Variants in KRABD3 observed in about 807,000 individuals in gnomAD.
KRABD3 encodes KRAB domain-containing protein 3.
chr7:149,717,951 A>G, the KRABD3 span, among the ~76,000 whole-genome samples: 2 of 152,068 alleles, frequency 1.3e-5, no homozygotes, highest in Non-Finnish European at 2.9e-5. Flanking sequence ...GACACCCACC[A>G]CCATGCCTGG....
the KRABD3 span, chr7:149,723,727 TCC>T: frequency 6.7e-7 from 1 of 1,498,234 alleles, no homozygotes; most frequent in Admixed American, 1.9e-5. Context: ...TGTTCCTTTT[TCC>T]TTAGTGAAGA....
At chr7:149,719,560 C>T in the KRABD3 span, 2 of 1,591,656 alleles carry the variant, frequency 1.3e-6, no homozygotes, top group Non-Finnish European at 1.7e-6. The surrounding 1 kb of genome is among the most constrained non-coding windows in gnomAD (Gnocchi z 5.6). Flanking sequence ...CCATCACCTT[C>T]AAGGACTTGG....
At chr7:149,731,613 G>A in the KRABD3 span, 1 of 1,259,144 alleles carries the variant, frequency 7.9e-7, no homozygotes. Flanking sequence ...GGGTATGTCA[G>A]AATGGCTCTG....
chr7:149,728,530 ACCAGGAAGCTCC>A, the KRABD3 span: 1 of 1,613,274 alleles, frequency 6.2e-7, no homozygotes, highest in South Asian at 1.1e-5. Context: ...CAGGAAGCCC[ACCAGGAAGCTCC>A]CCACTGCAGG....
the KRABD3 span, chr7:149,723,057 C>A: frequency 9.7e-7 from 1 of 1,027,326 alleles, no homozygotes; most frequent in Non-Finnish European, 1.4e-6. Flanking sequence ...TCGTTACCAG[C>A]TTGGTCGCTG....
chr7:149,729,784 C>T, the KRABD3 span: 6 of 985,278 alleles, frequency 6.1e-6, no homozygotes, highest in South Asian at 2.3e-4. Context: ...TGAGCCCCAC[C>T]CTTGGGCTGC....
the KRABD3 span, among the ~76,000 whole-genome samples, chr7:149,727,695 T>A: frequency 2.6e-5 from 4 of 152,270 alleles, no homozygotes; most frequent in Non-Finnish European, 5.9e-5. Context: ...GGGCAGACTT[T>A]GTTTACTAAG....
chr7:149,717,398 C>T, the KRABD3 span, among the ~76,000 whole-genome samples: 37 of 152,352 alleles, frequency 2.4e-4, no homozygotes, highest in South Asian at 1.9e-3. Flanking sequence ...CTAAGGACAG[C>T]GGTCTAGGGC....
At chr7:149,730,331 G>A in the KRABD3 span, 10 of 1,542,614 alleles carry the variant, frequency 6.5e-6, no homozygotes, top group Admixed American at 1.0e-4. Flanking sequence ...TCTGGAAGCC[G>A]CTCCCCCAGG....
At chr7:149,717,606 A>G in the KRABD3 span, among the ~76,000 whole-genome samples, 2 of 152,214 alleles carry the variant, frequency 1.3e-5, no homozygotes, top group Non-Finnish European at 2.9e-5. Context: ...GGCAGGAGGC[A>G]AAGGCTGCAG....
At chr7:149,729,472 C>G in the KRABD3 span, 1 of 1,285,112 alleles carries the variant, frequency 7.8e-7, no homozygotes, top group South Asian at 2.8e-5. Context: ...TTCCCCATCT[C>G]TCATCCTTTC....
chr7:149,716,743 T>A, the KRABD3 span, among the ~76,000 whole-genome samples: 1 of 152,188 alleles, frequency 6.6e-6, no homozygotes, highest in Non-Finnish European at 1.5e-5. Flanking sequence ...AGGAGCAGTA[T>A]GTGGAAGAGC....
the KRABD3 span, chr7:149,723,665 C>T: frequency 1.7e-3 from 2,557 of 1,514,332 alleles, 2 homozygotes; most frequent in Non-Finnish European, 2.1e-3. Context: ...AACTTGTCCC[C>T]TGTTTGTTGT....
the KRABD3 span, chr7:149,731,702 A>G: frequency 6.2e-7 from 1 of 1,611,810 alleles, no homozygotes; most frequent in Middle Eastern, 1.7e-4. Context: ...CCGGTTTCTC[A>G]GCTGGAGAAA....
chr7:149,723,960 G>T, the KRABD3 span: 144 of 1,535,646 alleles, frequency 9.4e-5, 1 homozygote, highest in African/African-American at 1.4e-3. Flanking sequence ...CAGGGCTGTA[G>T]GTGGCCCCCA....
the KRABD3 span, among the ~76,000 whole-genome samples, chr7:149,727,225 C>T: frequency 3.3e-5 from 5 of 152,206 alleles, no homozygotes; most frequent in African/African-American, 1.2e-4. Flanking sequence ...TGTGTCCTGA[C>T]TGCCAATGTA....
the KRABD3 span, among the ~76,000 whole-genome samples, chr7:149,727,505 C>A: frequency 6.6e-6 from 1 of 152,200 alleles, no homozygotes; most frequent in Non-Finnish European, 1.5e-5. Flanking sequence ...TGTGAGTTCA[C>A]TCCCCTCCTC....
the KRABD3 span, chr7:149,722,629 C>A: frequency 6.6e-7 from 1 of 1,518,874 alleles, no homozygotes; most frequent in South Asian, 1.2e-5. Flanking sequence ...CATGCTGCTC[C>A]GCCGCCTGGG....
the KRABD3 span, chr7:149,720,160 C>T: frequency 3.2e-6 from 5 of 1,550,218 alleles, no homozygotes; most frequent in Non-Finnish European, 3.5e-6. Context: ...GGTGTCTCCT[C>T]CCACTCATCG....
Sources: allele counts gnomAD v4.1 joint callset (sites outside exome capture counted in the v4.1 genomes callset), GRCh38; gene constraint gnomAD v4.1.1; non-coding constraint Gnocchi (gnomAD v3.1); transcripts MANE v1.5; gene names NCBI Gene and HGNC (gene_info 2026-07-23, HGNC 2026-07-21).